The following NTM variants were observed in gnomAD, a reference collection of about 807,000 sequenced individuals.
The protein encoded by NTM is IgLON family member 2.
Under a neutral mutation model 42.1 loss-of-function variants are expected in NTM, and 13 were observed. That is an observed-to-expected ratio of 0.31 (90% confidence interval 0.20 to 0.49). The LOEUF (loss-of-function observed/expected upper bound fraction) is 0.49, where lower values mean the gene tolerates loss of function less well. Ranked by LOEUF, NTM falls within the 20% of genes least tolerant of loss-of-function variation. NTM has a pLI of 0.99. For missense variants in NTM, 373 were observed against 452.8 expected, an observed-to-expected ratio of 0.82 and a Z score of 1.60; for synonymous variants, 187 against 179.2, an observed-to-expected ratio of 1.04 and a Z score of -0.35.
chr11:132,102,887 A>T (rs957578125), intron 2 of NTM, among the ~76,000 whole-genome samples: 10 of 152,180 alleles, frequency 6.6e-5, no homozygotes, highest in Non-Finnish European at 1.3e-4. Context: ...CTGCCCCAAC[A>T]GTTACAGGTG....
intron 2 of NTM, among the ~76,000 whole-genome samples, chr11:132,080,656 C>G (rs1372973731): frequency 6.6e-6 from 1 of 152,150 alleles, no homozygotes; most frequent in Non-Finnish European, 1.5e-5. Context: ...CTTCAATGAC[C>G]TGTTCTGTAT....
intron 1 of NTM, among the ~76,000 whole-genome samples, chr11:131,410,364 T>C (rs866908679): frequency 4.3e-4 from 66 of 151,804 alleles, no homozygotes; most frequent in African/African-American, 1.5e-3. Context: ...TGCATACCCG[T>C]GGTCCCAGCC....
chr11:131,964,342 CTCTT>C (rs146206943), intron 2 of NTM, among the ~76,000 whole-genome samples: 1,531 of 152,284 alleles, frequency 0.01, 25 homozygotes, highest in African/African-American at 0.036. Context: ...TAATTCACAG[CTCTT>C]TGTTTTCCGT....
intron 1 of NTM, chr11:131,660,516 A>C (rs1228530322): frequency 4.4e-6 from 2 of 457,506 alleles, no homozygotes; most frequent in Non-Finnish European, 4.4e-6. Context: ...ACCAGCCGGC[A>C]CTGACCCTGG....
intron 1 of NTM, among the ~76,000 whole-genome samples, chr11:131,722,428 T>C (rs940664194): frequency 1.3e-5 from 2 of 152,196 alleles, no homozygotes; most frequent in African/African-American, 2.4e-5. Flanking sequence ...CTCGTAACCA[T>C]AGAACCAGTT....
At chr11:131,852,116 A>T (rs1372745441) in intron 1 of NTM, among the ~76,000 whole-genome samples, 2 of 152,092 alleles carry the variant, frequency 1.3e-5, no homozygotes, top group Non-Finnish European at 2.9e-5. Context: ...AGGCTCCTGC[A>T]GGGACAGAGT....
chr11:132,183,016 T>G (rs2077817482), intron 3 of NTM, among the ~76,000 whole-genome samples: 1 of 152,130 alleles, frequency 6.6e-6, no homozygotes, highest in Non-Finnish European at 1.5e-5. Flanking sequence ...CCTGATACCC[T>G]CCCTGTGTTC....
chr11:132,101,429 G>T (rs1193068165), intron 2 of NTM, among the ~76,000 whole-genome samples: 1 of 152,136 alleles, frequency 6.6e-6, no homozygotes, highest in African/African-American at 2.4e-5. Context: ...TTCCCCACTG[G>T]GTGGAAGTTA....
intron 3 of NTM, among the ~76,000 whole-genome samples, chr11:132,157,382 T>C (rs1385452005): frequency 6.6e-6 from 1 of 152,204 alleles, no homozygotes; most frequent in Non-Finnish European, 1.5e-5. Context: ...GTAAATGCAA[T>C]GAGGCATCAG....
chr11:132,246,515 A>C (rs2091188423), intron 4 of NTM, among the ~76,000 whole-genome samples: 1 of 152,194 alleles, frequency 6.6e-6, no homozygotes, highest in Non-Finnish European at 1.5e-5. Flanking sequence ...ATCTGGAGCC[A>C]TGTGCACTCT....
chr11:131,891,751 G>A (rs505411), intron 1 of NTM, among the ~76,000 whole-genome samples: 9,432 of 152,246 alleles, frequency 0.062, 329 homozygotes, highest in East Asian at 0.15. Flanking sequence ...ATATTCAGAA[G>A]TGAGATAAAT....
rs184654844 is a variant in NTM, at chr11:131,878,400, G to A, written c.83-33164G>A. Reference sequence around the variant, plus strand: ...AGCCTGGCCAACATGGTGAAACACCGTCTGTATTTACTAAAACTACAAAAA... The same window carrying A: ...AGCCTGGCCAACATGGTGAAACACCATCTGTATTTACTAAAACTACAAAAA... On this transcript the variant is annotated intron_variant, in intron 1 of 8. Coordinates refer to ENST00000683400, the MANE Select transcript of NTM (RefSeq NM_001352005.2). 1.0e-3 allele frequency among the ~76,000 whole-genome samples: 157 copies of A among 150,964 alleles called. 1 individual carries two copies. The highest frequency in any genetic ancestry group is 8.2e-3 in the Admixed American group (125 of 15,188).
At chr11:132,234,830 A>G (rs2088451064) in intron 4 of NTM, among the ~76,000 whole-genome samples, 1 of 152,210 alleles carries the variant, frequency 6.6e-6, no homozygotes, top group Non-Finnish European at 1.5e-5. Context: ...ATTCTTCTAC[A>G]TAACTTTGTT....
intron 1 of NTM, among the ~76,000 whole-genome samples, chr11:131,888,835 T>C (rs1345388939): frequency 6.6e-6 from 1 of 152,046 alleles, no homozygotes; most frequent in South Asian, 2.1e-4. Context: ...GGAGATGAGA[T>C]GAAGACCTCC....
At chr11:132,259,575 G>A (rs1257873261) in intron 4 of NTM, among the ~76,000 whole-genome samples, 1 of 151,932 alleles carries the variant, frequency 6.6e-6, no homozygotes, top group African/African-American at 2.4e-5. Context: ...AGCTACTCGG[G>A]AGGCTGAGGC....
intron 1 of NTM, among the ~76,000 whole-genome samples, chr11:131,411,253 T>C (rs997805056): frequency 6.6e-6 from 1 of 152,188 alleles, no homozygotes; most frequent in African/African-American, 2.4e-5. Context: ...GAAATTGTAA[T>C]GCAATGATTT....
chr11:131,613,461 G>T (rs1033878646), intron 1 of NTM, among the ~76,000 whole-genome samples: 1 of 152,094 alleles, frequency 6.6e-6, no homozygotes, highest in Admixed American at 6.5e-5. Flanking sequence ...TGGCTCCTGG[G>T]GACAAGCTGT....
At chr11:132,280,872 T>C (rs3133886) in intron 4 of NTM, among the ~76,000 whole-genome samples, 1 of 152,048 alleles carries the variant, frequency 6.6e-6, no homozygotes, top group Admixed American at 6.5e-5. Context: ...CAAAGCCACC[T>C]ATAGCTAGCT....
intron 1 of NTM, among the ~76,000 whole-genome samples, chr11:131,903,021 G>A (rs1272540740): frequency 6.6e-6 from 1 of 152,008 alleles, no homozygotes; most frequent in Admixed American, 6.6e-5. Context: ...TCTAAACCAT[G>A]AAGTCCAGAA....
Sources: allele counts gnomAD v4.1 joint callset (sites outside exome capture counted in the v4.1 genomes callset), GRCh38; gene constraint gnomAD v4.1.1; transcripts MANE v1.5; gene names NCBI Gene and HGNC (gene_info 2026-07-23, HGNC 2026-07-21).